CGNL1: variants seen among roughly 807,000 people sequenced by gnomAD.
The protein encoded by CGNL1 is cingulin like 1.
A neutral mutation model predicts 141.2 loss-of-function variants in CGNL1; 132 were observed. That is an observed-to-expected ratio of 0.93 (90% confidence interval 0.81 to 1.08). The LOEUF (loss-of-function observed/expected upper bound fraction) is 1.08, where lower values mean the gene tolerates loss of function less well. CGNL1 is among the 50% of genes least tolerant of loss of function. CGNL1 has a pLI of 0.00. For synonymous variants in CGNL1, 690 were observed against 622.1 expected, an observed-to-expected ratio of 1.11 and a Z score of -1.63; for missense variants, 1,870 against 1,588.6, an observed-to-expected ratio of 1.18 and a Z score of -3.01.
At chr15:57,442,195 A>AAAAAAAAAAAAAAAAAAAAAC (rs2063197648) in intron 3 of CGNL1, among the ~76,000 whole-genome samples, 178 bp from the exon 4 acceptor site, 1 of 150,474 alleles carries the variant, frequency 6.6e-6, no homozygotes, top group Non-Finnish European at 1.5e-5. Context: ...AAAAAAAAAA[A>AAAAAAAAAAAAAAAAAAAAAC]AAAAAAAAGA....
chr15:57,502,361 G>A (rs1164461775), intron 8 of CGNL1, among the ~76,000 whole-genome samples: 1 of 152,174 alleles, frequency 6.6e-6, no homozygotes, highest in African/African-American at 2.4e-5. Context: ...GAGAGGCAGT[G>A]TGTTTCCAGC....
chr15:57,438,266 C>A lies in CGNL1; in HGVS notation c.267C>A (p.Ser89Arg). 1 of 1,614,192 alleles carries A rather than the reference C, an allele frequency of 6.2e-7. No homozygotes were observed. Among genetic ancestry groups the A allele is most frequent in the Non-Finnish European group, 8.5e-7 (1 of 1,180,034 alleles). ...TAAATAACCTGCCTCTACATTCCAG[C>A]AATGGTTCTGTGCCAAAGGAGAACA... ...PVINNLPLHS[S>R]NGSVPKENSE... Residue 89 changes from serine to arginine, a missense_variant, in exon 2 of 19, where the codon AGC becomes AGA. Transcript: ENST00000281282.
chr15:57,390,246 G>A (rs562967635), intron 1 of CGNL1, among the ~76,000 whole-genome samples: 165 of 152,354 alleles, frequency 1.1e-3, no homozygotes, highest in African/African-American at 3.7e-3. Context: ...TCTGGGTTGA[G>A]GTCTATTCCA....
chr15:57,499,341 G>C (rs1044662274), intron 8 of CGNL1, among the ~76,000 whole-genome samples: 5 of 146,838 alleles, frequency 3.4e-5, no homozygotes, highest in African/African-American at 7.6e-5. Context: ...TGGCTTCCAG[G>C]TTCAAGTGAT....
chr15:57,467,724 T>C (rs2063527494), intron 8 of CGNL1, among the ~76,000 whole-genome samples: 1 of 145,054 alleles, frequency 6.9e-6, no homozygotes, highest in Non-Finnish European at 1.5e-5. Flanking sequence ...AGTCTGACTC[T>C]TGTTGCCCAG....
At chr15:57,536,185 G>A (rs1397062321) in intron 14 of CGNL1, among the ~76,000 whole-genome samples, 1 of 152,110 alleles carries the variant, frequency 6.6e-6, no homozygotes, top group African/African-American at 2.4e-5. Flanking sequence ...GATCTCATGA[G>A]ACTTATTCAC....
chr15:57,451,387 T>G, intron 4 of CGNL1, 113 bp from the exon 5 acceptor site: 1 of 695,674 alleles, frequency 1.4e-6, no homozygotes, highest in Non-Finnish European at 2.4e-6. Flanking sequence ...GGTCTTAAAA[T>G]GTTTAGTGTT....
At chr15:57,419,491 A>G (rs2062889446) in intron 1 of CGNL1, among the ~76,000 whole-genome samples, 1 of 152,154 alleles carries the variant, frequency 6.6e-6, no homozygotes, top group South Asian at 2.1e-4. Flanking sequence ...TTTAGTTGTC[A>G]TGTCTTGGCT....
intron 1 of CGNL1, among the ~76,000 whole-genome samples, chr15:57,378,724 C>T (rs570275730): frequency 2.6e-5 from 4 of 152,076 alleles, no homozygotes; most frequent in Non-Finnish European, 2.9e-5. Flanking sequence ...TCCAAGAATG[C>T]CTTGCTGAAG....
chr15:57,378,907 G>T (rs1214931139), intron 1 of CGNL1, among the ~76,000 whole-genome samples: 1 of 152,222 alleles, frequency 6.6e-6, no homozygotes, highest in African/African-American at 2.4e-5. Flanking sequence ...TGTGCACCCT[G>T]TGGGAGCCGT....
chr15:57,433,087 C>T (rs1473050326), intron 1 of CGNL1, among the ~76,000 whole-genome samples: 1 of 150,216 alleles, frequency 6.7e-6, no homozygotes, highest in Non-Finnish European at 1.5e-5. Context: ...AGAATAACCC[C>T]ATTTAGTAAA....
intron 14 of CGNL1, among the ~76,000 whole-genome samples, chr15:57,535,316 G>A (rs1157666208): frequency 1.3e-5 from 2 of 152,222 alleles, no homozygotes; most frequent in African/African-American, 4.8e-5. Flanking sequence ...GTTTGTTTGA[G>A]GAGATGGGTC....
chr15:57,431,037 G>T (rs1706354), intron 1 of CGNL1, among the ~76,000 whole-genome samples: 3 of 152,218 alleles, frequency 2.0e-5, no homozygotes, highest in East Asian at 1.9e-4. Flanking sequence ...CAGATTTTCA[G>T]ACTCCTGGTT....
chr15:57,527,703 A>G (rs1355801304), intron 12 of CGNL1: 1 of 152,244 alleles, frequency 6.6e-6, no homozygotes, highest in East Asian at 1.9e-4. Flanking sequence ...GTGGATGGAA[A>G]AAACAACAAC....
At chr15:57,395,241 C>G (rs1301701374) in intron 1 of CGNL1, among the ~76,000 whole-genome samples, 3 of 152,248 alleles carry the variant, frequency 2.0e-5, no homozygotes, top group Non-Finnish European at 1.5e-5. Context: ...AGTTAGTTGT[C>G]TCTTCTGTTT....
At chr15:57,428,558 G>T (rs1324798858) in intron 1 of CGNL1, among the ~76,000 whole-genome samples, 1 of 152,194 alleles carries the variant, frequency 6.6e-6, no homozygotes, top group African/African-American at 2.4e-5. Flanking sequence ...CAGAGAAGCC[G>T]TGGCTGGAGA....
chr15:57,499,353 C>T (rs1408898794), intron 8 of CGNL1, among the ~76,000 whole-genome samples: 1 of 141,512 alleles, frequency 7.1e-6, no homozygotes, highest in Non-Finnish European at 1.5e-5. Context: ...TCAAGTGATT[C>T]TCCTGCCTTG....
At chr15:57,453,390 C>T (rs1013117277) in intron 6 of CGNL1, among the ~76,000 whole-genome samples, 8 of 152,172 alleles carry the variant, frequency 5.3e-5, no homozygotes, top group African/African-American at 1.9e-4. Context: ...TCTTCTGCAT[C>T]CAAATTCTAG....
chr15:57,412,787 T>C (rs1293700293), intron 1 of CGNL1, among the ~76,000 whole-genome samples: 1 of 152,234 alleles, frequency 6.6e-6, no homozygotes, highest in East Asian at 1.9e-4. Flanking sequence ...GGTATTCATA[T>C]GTGATGAGAG....
Sources: gnomAD v4.1 joint callset for allele counts (sites outside exome capture counted in the v4.1 genomes callset) on GRCh38, gnomAD v4.1.1 for gene constraint, MANE v1.5 for transcripts, NCBI Gene and HGNC (gene_info 2026-07-23, HGNC 2026-07-21) for gene names.